LGR5: variants seen among roughly 807,000 people sequenced by gnomAD.
The protein encoded by LGR5 is leucine rich repeat containing G protein-coupled receptor 5, also known as leucine-rich repeat-containing G protein-coupled receptor 5.
LGR5 carries 54 observed loss-of-function variants against 76.7 expected under a neutral mutation model. The observed-to-expected ratio is 0.70, with a 90% confidence interval of 0.57 to 0.88. The LOEUF is 0.88. Among genes scored for constraint, LGR5 ranks in the 40% least tolerant of loss-of-function variants. The probability of loss-of-function intolerance (pLI) is 0.00; values close to 1 mark genes in which losing one functional copy is unlikely to be tolerated. For missense variants in LGR5, 1,078 were observed against 1,073.3 expected (o/e 1.00, Z -0.06); for synonymous variants, 406 against 421.9 (o/e 0.96, Z 0.46).
intron 1 of LGR5, among the ~76,000 whole-genome samples, chr12:71,463,907 C>T (rs892205521): frequency 6.6e-6 from 1 of 151,842 alleles, no homozygotes; most frequent in Non-Finnish European, 1.5e-5. Flanking sequence ...CTTGATCCTG[C>T]CTGACTTTTA....
At chr12:71,463,418 T>A (rs939429471) in intron 1 of LGR5, among the ~76,000 whole-genome samples, 1 of 152,226 alleles carries the variant, frequency 6.6e-6, no homozygotes, top group Admixed American at 6.5e-5. Flanking sequence ...AGATCTTAGC[T>A]TTGTCACTTA....
chr12:71,493,382 G>A (rs1461760416), intron 1 of LGR5, among the ~76,000 whole-genome samples: 1 of 151,166 alleles, frequency 6.6e-6, no homozygotes, highest in Non-Finnish European at 1.5e-5. Flanking sequence ...ACTCCTATGA[G>A]GATTCTCAAT....
At chr12:71,534,977 G>T in intron 3 of LGR5, 138 bp from the exon 4 acceptor site, 1 of 553,082 alleles carries the variant, frequency 1.8e-6, no homozygotes, top group South Asian at 2.3e-5. Context: ...CTCTTCACAG[G>T]AATTTCAGCT....
chr12:71,502,974 A>G (rs1172155800), intron 1 of LGR5, among the ~76,000 whole-genome samples: 1 of 152,188 alleles, frequency 6.6e-6, no homozygotes, highest in East Asian at 1.9e-4. Flanking sequence ...TCCACACCAT[A>G]TGTCTTGATG....
chr12:71,577,081 C>T (rs993216697), intron 13 of LGR5, among the ~76,000 whole-genome samples: 2 of 152,238 alleles, frequency 1.3e-5, no homozygotes, highest in African/African-American at 2.4e-5. Flanking sequence ...ATTAAGGTAA[C>T]CCTGGAGCCC....
chr12:71,567,287 A>ACC, intron 11 of LGR5: 1 of 201,370 alleles, frequency 5.0e-6, no homozygotes, highest in Admixed American at 5.5e-5. Context: ...AAAAACTGAG[A>ACC]TCTCAGATCC....
At chr12:71,576,254 A>G (rs533581189) in intron 13 of LGR5, among the ~76,000 whole-genome samples, 1 of 152,174 alleles carries the variant, frequency 6.6e-6, no homozygotes, top group Non-Finnish European at 1.5e-5. Context: ...ATTAAATTAA[A>G]TTTTTTTAAA....
intron 3 of LGR5, among the ~76,000 whole-genome samples, chr12:71,527,438 G>T (rs915564615): frequency 1.3e-5 from 2 of 152,108 alleles, no homozygotes; most frequent in Admixed American, 1.3e-4. Flanking sequence ...GGCATCTTGA[G>T]AGCCAAATCC....
chr12:71,551,783 T>A (rs1877497609), intron 4 of LGR5, among the ~76,000 whole-genome samples: 2 of 152,212 alleles, frequency 1.3e-5, no homozygotes, highest in Non-Finnish European at 2.9e-5. Context: ...TTTTTAGATG[T>A]ATTTCCCCAT....
chr12:71,550,473 T>C (rs1325600089), intron 4 of LGR5, among the ~76,000 whole-genome samples: 1 of 149,300 alleles, frequency 6.7e-6, no homozygotes, highest in East Asian at 2.0e-4. Flanking sequence ...TTTTTTTTTT[T>C]TTTTTAAGAC....
At chr12:71,535,054 T>G in intron 3 of LGR5, 61 bp from the exon 4 acceptor site, 20 of 1,123,354 alleles carry the variant, frequency 1.8e-5, no homozygotes, top group Non-Finnish European at 2.7e-5. Context: ...TGCCTGGCCT[T>G]GTTTAGGCCT....
chr12:71,513,991 T>G (rs2137321432), intron 2 of LGR5, among the ~76,000 whole-genome samples: 1 of 152,148 alleles, frequency 6.6e-6, no homozygotes, highest in East Asian at 1.9e-4. Context: ...TATAAAAGGG[T>G]ACCAAATGAG....
chr12:71,504,658 T>C lies in LGR5; in HGVS notation c.257T>C (p.Leu86Pro), dbSNP rs149049114. 16 of 1,613,952 alleles carry C rather than the reference T, an allele frequency of 9.9e-6. No individual in the cohort carries two copies. Among genetic ancestry groups the C allele is most frequent in the Non-Finnish European group, 1.4e-5 (16 of 1,179,952 alleles). The change falls in exon 2 of 18, where the codon CTG (leucine) becomes CCG (proline). Residue 86 changes from leucine to proline, a missense_variant. Physicochemically the swap from Leu to Pro is moderately conservative, Grantham distance 98. Coordinates refer to ENST00000266674, the MANE Select transcript of LGR5 (RefSeq NM_003667.4). The stretch of plus-strand genomic sequence containing the variant: ...ATCAGTCAGCTGCTCCCGAATCCCC[T>C]GCCCAGTCTCCGCTTCCTGGAGGAG... ...NNISQLLPNP[L>P]PSLRFLEELR...
chr12:71,533,031 C>T (rs778803172), intron 3 of LGR5, among the ~76,000 whole-genome samples: 7 of 152,030 alleles, frequency 4.6e-5, no homozygotes, highest in African/African-American at 7.2e-5. Context: ...TCCTACCCTT[C>T]GTTTCTAAAT....
intron 2 of LGR5, among the ~76,000 whole-genome samples, chr12:71,511,287 G>A (rs1360118357): frequency 6.6e-6 from 1 of 152,140 alleles, no homozygotes; most frequent in East Asian, 1.9e-4. Context: ...GGACAGTGGT[G>A]CACTGGCACC....
At chr12:71,504,243 C>A (rs775843118) in intron 1 of LGR5, among the ~76,000 whole-genome samples, 13 of 152,076 alleles carry the variant, frequency 8.5e-5, no homozygotes, top group Non-Finnish European at 1.9e-4. Context: ...AGACATTTCT[C>A]TTTGTCACAC....
chr12:71,494,080 A>G (rs1592488297), intron 1 of LGR5, among the ~76,000 whole-genome samples: 2 of 149,484 alleles, frequency 1.3e-5, no homozygotes, highest in African/African-American at 5.1e-5. Context: ...AGTAGCTGGG[A>G]CTACAGGCAC....
At chr12:71,478,552 G>T (rs979655594) in intron 1 of LGR5, among the ~76,000 whole-genome samples, 1 of 152,108 alleles carries the variant, frequency 6.6e-6, no homozygotes, top group Non-Finnish European at 1.5e-5. Context: ...TTCTGTGTTG[G>T]TCAATAAGTC....
chr12:71,482,249 G>A (rs1195901892), intron 1 of LGR5, among the ~76,000 whole-genome samples: 10 of 152,166 alleles, frequency 6.6e-5, no homozygotes, highest in African/African-American at 2.4e-4. Context: ...TTAGTTTGCT[G>A]GGACTGCCAT....
Sources: allele counts gnomAD v4.1 joint callset (sites outside exome capture counted in the v4.1 genomes callset), GRCh38; gene constraint gnomAD v4.1.1; transcripts MANE v1.5; gene names NCBI Gene and HGNC (gene_info 2026-07-23, HGNC 2026-07-21).